The following FBXL19 variants were observed in gnomAD, a reference collection of about 807,000 sequenced individuals.
The protein encoded by FBXL19 is F-box/LRR-repeat protein 19.
In FBXL19, 16 loss-of-function variants were observed where a neutral mutation model predicts 71.2. The observed-to-expected ratio is 0.22, with a 90% CI of 0.15 to 0.34. The LOEUF is 0.34. Among genes scored for constraint, FBXL19 ranks in the 10% least tolerant of loss-of-function variants. The probability of loss-of-function intolerance (pLI) is 1.00; values close to 1 mark genes in which losing one functional copy is unlikely to be tolerated. For synonymous variants in FBXL19, 447 were observed against 409.4 expected (o/e 1.09, Z -1.11); for missense variants, 658 against 968.2 (o/e 0.68, Z 4.25).
At chr16:30,932,773 A>T (rs2055689340) in intron 7 of FBXL19, among the ~76,000 whole-genome samples, 1 of 151,546 alleles carries the variant, frequency 6.6e-6, no homozygotes. Flanking sequence ...CAGCAGGACC[A>T]CTCAGGAGGC....
rs768047347 is a variant in FBXL19 at position 30,946,908 on chromosome 16, G to A, written c.1806G>A (p.Thr602=). 1.7e-5 allele frequency: 27 copies of A among 1,610,558 alleles called. No homozygotes were observed. Among genetic ancestry groups the A allele is most frequent in the Admixed American group, 6.7e-5 (4 of 59,696 alleles). The change falls in exon 10 of 11, where the codon ACG becomes ACA. Residue 602 remains threonine (T), a synonymous_variant. Coordinates refer to ENST00000338343, the MANE Select transcript of FBXL19 (RefSeq NM_001382779.1). The surrounding 1 kb of genome is among the most constrained non-coding windows in gnomAD (Gnocchi z 6.7). ...DPSVHLLTAP[T]SPLRETLVHL... ...GTGTTCACCTCCTCACGGCCCCCAC[G>A]TCCCCACTCCGCGAGACCCTGGTGC...
In FBXL19 at chr16:30,942,034, C is replaced by T. The variant is rs575275743; in HGVS notation, c.1302-82C>T. 1.4e-6 allele frequency: 2 copies of T among 1,416,526 alleles called. No individual in the cohort carries two copies. The highest frequency in any genetic ancestry group is 1.5e-5 in the South Asian group (1 of 66,794). 87.7% of individuals were successfully genotyped at this position (1,416,526 alleles called of 1,614,324 possible). A position where few individuals can be genotyped will look rare whatever the true frequency, so the allele number is the denominator to read the frequency against. On this transcript the variant is annotated intron_variant, in intron 7 of 10. Transcript: ENST00000338343. The surrounding 1 kb of genome is among the most constrained non-coding windows in gnomAD (Gnocchi z 5.7). ...GTGGCCAGAAGAGAGCTGGGGTGCA[C>T]CCTTGGAGCTGGGGAGCCTGGGAAC...
chr16:30,928,336 TCA>T, intron 5 of FBXL19, 129 bp from the exon 6 acceptor site: 3 of 1,012,302 alleles, frequency 3.0e-6, no homozygotes, highest in Non-Finnish European at 4.2e-6. Context: ...GTGAGCATGC[TCA>T]GAGTTATCCC....
At position 30,946,109 on chromosome 16, in the gene FBXL19, C is replaced by T. The variant is rs2055856154; in HGVS notation, c.1628-621C>T. Among the ~76,000 whole-genome samples, 3 of 152,150 alleles carry T rather than the reference C, an allele frequency of 2.0e-5. No individual in the cohort carries two copies. The highest frequency in any genetic ancestry group is 3.8e-4 in the East Asian group (2 of 5,198). On this transcript the variant is annotated intron_variant, in intron 9 of 10. Transcript: ENST00000338343. The surrounding 1 kb of genome is among the most constrained non-coding windows in gnomAD (Gnocchi z 6.7). ...GTCTGCTCAGCTTCTGGGGAAGCCT[C>T]ACGTAGCTTTTACTCTTGATGGAAC...
In FBXL19 at chr16:30,924,084, G is replaced by A. The variant is rs1233575231; in HGVS notation, c.-400G>A. ...AGGGCCAGGGGCGCTGGGGAGAGGC[G>A]GGGCGGGGTGGGGGGAGGGGAGCTG... On this transcript the variant is annotated 5_prime_UTR_variant, in exon 1 of 11. Coordinates refer to ENST00000338343, the MANE Select transcript of FBXL19 (RefSeq NM_001382779.1). The A allele has an allele frequency of 6.6e-6, 1 of 151,280 alleles. No homozygotes were observed. Among genetic ancestry groups the A allele is most frequent in the Admixed American group, 6.6e-5 (1 of 15,236 alleles). The allele number at this position is 151,280 out of a possible 1,614,324, so 9.4% of individuals were successfully genotyped here.
intron 9 of FBXL19, among the ~76,000 whole-genome samples, chr16:30,945,359 G>T (rs569929528): frequency 6.6e-6 from 1 of 152,218 alleles, no homozygotes; most frequent in East Asian, 1.9e-4. Context: ...TGGAGAACTT[G>T]TTAAAAAAGT....
rs1291249625 is a variant in FBXL19, at chr16:30,923,804, G to C, written c.-680G>C. ...GAGGGTCGCGCGCTTGGGGGAGGGG[G>C]AGAGGTCGGGGGTGCGCGCGGGCTG... On this transcript the variant is annotated 5_prime_UTR_variant, in exon 1 of 11. Transcript: ENST00000338343. 2.1e-4 allele frequency among the ~76,000 whole-genome samples: 31 copies of C among 150,808 alleles called. No homozygotes were observed. The highest frequency in any genetic ancestry group is 1.5e-5 in the Non-Finnish European group (1 of 67,470).
Position 30,946,735 on chromosome 16 carries a change from A to G in FBXL19, c.1633A>G (p.Thr545Ala). The change falls in exon 10 of 11, where the codon ACA becomes GCA. Residue 545 changes from threonine (T) to alanine (A), a missense_variant. Thr to Ala is a moderately conservative substitution (Grantham distance 58). Around this residue, in one of 8 missense-constraint regions of FBXL19, gnomAD observed 25 missense variants for 25.0 expected, o/e 1.00. Coordinates refer to ENST00000338343, the MANE Select transcript of FBXL19 (RefSeq NM_001382779.1). This position sits in a 1 kb window ranked among gnomAD's most constrained non-coding sequence, Gnocchi z 6.7. Reference sequence around the variant, plus strand: ...CCTCTCATCTGGCTGCCCAGGGCAAACAGAGAGCCGTGGTCGGCTGCAGGG... The same window carrying G: ...CCTCTCATCTGGCTGCCCAGGGCAAGCAGAGAGCCGTGGTCGGCTGCAGGG... ...LPPPDTKPGQ[T>A]ESRGRLQGVA... 2 of 1,612,404 alleles carry G rather than the reference A, an allele frequency of 1.2e-6. No individual in the cohort carries two copies. The highest frequency in any genetic ancestry group is 1.7e-6 in the Non-Finnish European group (2 of 1,179,546).
intron 7 of FBXL19, among the ~76,000 whole-genome samples, chr16:30,937,784 G>C (rs2055755490): frequency 6.6e-6 from 1 of 152,128 alleles, no homozygotes; most frequent in South Asian, 2.1e-4. Flanking sequence ...TGTGGAGTAT[G>C]ATACAGAAAC....
chr16:30,928,462 G>T lies in FBXL19; in HGVS notation c.628-5G>T. ...TTCCTCCATATCTCCCTCTCACCCT[G>T]GTAGGTGAAAGGAGGCCGAGAGAGG... On this transcript the variant is annotated splice_region_variant and splice_polypyrimidine_tract_variant and intron_variant, in intron 5 of 10. Transcript: ENST00000338343. The T allele has an allele frequency of 6.4e-7, 1 of 1,568,746 alleles. No homozygotes were observed. The highest frequency in any genetic ancestry group is 1.2e-5 in the South Asian group (1 of 86,034).
chr16:30,945,523 C>T (rs768051516), intron 9 of FBXL19, among the ~76,000 whole-genome samples: 3 of 151,732 alleles, frequency 2.0e-5, no homozygotes, highest in South Asian at 2.1e-4. Context: ...ATTAGCCAGG[C>T]GTGGTGGCAA....
At chr16:30,936,888 G>A (rs865921918) in intron 7 of FBXL19, among the ~76,000 whole-genome samples, 2 of 151,428 alleles carry the variant, frequency 1.3e-5, no homozygotes, top group East Asian at 1.9e-4. Context: ...GACTGCAGGC[G>A]CGTGCCACCA....
intron 6 of FBXL19, among the ~76,000 whole-genome samples, chr16:30,929,338 G>C (rs1019609388): frequency 1.2e-4 from 19 of 152,162 alleles, no homozygotes; most frequent in African/African-American, 4.6e-4. Flanking sequence ...TGAGTCAGCC[G>C]ATGCGGGGTG....
Position 30,946,169 on chromosome 16 carries a change from AAG to A in FBXL19, c.1628-554_1628-553del, listed in dbSNP as rs2055856641. Among the ~76,000 whole-genome samples, 1 of 152,112 alleles carries A rather than the reference AAG, an allele frequency of 6.6e-6. No homozygotes were observed. The highest frequency in any genetic ancestry group is 2.4e-5 in the African/African-American group (1 of 41,422). On this transcript the variant is annotated intron_variant, in intron 9 of 10. Coordinates refer to ENST00000338343, the MANE Select transcript of FBXL19 (RefSeq NM_001382779.1). The surrounding 1 kb of genome is among the most constrained non-coding windows in gnomAD (Gnocchi z 6.7). ...TCGGCATGTCACATGGCAAGACAGCAAGAGAGAGGAGGGGAGGTCACAGACTC... is the reference window on the plus strand; with the variant it reads ...TCGGCATGTCACATGGCAAGACAGCAAGAGAGGAGGGGAGGTCACAGACTC...
chr16:30,947,604 G>A lies in FBXL19; in HGVS notation c.*374G>A, dbSNP rs1429175251. The A allele has an allele frequency of 3.3e-6, 1 of 299,582 alleles. No individual in the cohort carries two copies. Among genetic ancestry groups the A allele is most frequent in the African/African-American group, 2.4e-5 (1 of 40,924 alleles). 18.6% of individuals were successfully genotyped at this position (299,582 alleles called of 1,614,324 possible). A position where few individuals can be genotyped will look rare whatever the true frequency, so the allele number is the denominator to read the frequency against. ...ATGGGAGCCAGGGGCTGGGGGAGGTGGAAGGGGCGGGGGGCGGGGCAGACA... is the reference window on the plus strand; with the variant it reads ...ATGGGAGCCAGGGGCTGGGGGAGGTAGAAGGGGCGGGGGGCGGGGCAGACA... On this transcript the variant is annotated 3_prime_UTR_variant, in exon 11 of 11. Coordinates refer to ENST00000338343, the MANE Select transcript of FBXL19 (RefSeq NM_001382779.1).
At position 30,925,113 on chromosome 16, in the gene FBXL19, G is replaced by A. The variant is rs138453524; in HGVS notation, c.-24-618G>A. 0.014 allele frequency among the ~76,000 whole-genome samples: 2,075 copies of A among 152,278 alleles called. 28 individuals are homozygous for A. Among genetic ancestry groups the A allele is most frequent in the Non-Finnish European group, 0.021 (1,408 of 68,012 alleles). On this transcript the variant is annotated intron_variant, in intron 1 of 10. Coordinates refer to ENST00000338343, the MANE Select transcript of FBXL19 (RefSeq NM_001382779.1). The surrounding 1 kb of genome is among the most constrained non-coding windows in gnomAD (Gnocchi z 5.0). ...TCCAGGGCTGTCAGAGCTCTGGGGA[G>A]TTAGTGGGCAGAGGAGATCGTTAGG...
At chr16:30,932,406 A>G (rs2055685380) in intron 7 of FBXL19, among the ~76,000 whole-genome samples, 1 of 152,204 alleles carries the variant, frequency 6.6e-6, no homozygotes, top group Non-Finnish European at 1.5e-5. Flanking sequence ...CTTCAAGGCC[A>G]GCTCTGTGCC....
intron 7 of FBXL19, among the ~76,000 whole-genome samples, chr16:30,937,884 C>T (rs1178412703): frequency 6.6e-6 from 1 of 152,024 alleles, no homozygotes; most frequent in African/African-American, 2.4e-5. Flanking sequence ...GAAGTGGTGA[C>T]AGTTAAGCTG....
chr16:30,940,736 G>T (rs1443682958), intron 7 of FBXL19, among the ~76,000 whole-genome samples: 1 of 152,048 alleles, frequency 6.6e-6, no homozygotes, highest in South Asian at 2.1e-4. Flanking sequence ...GTGCGATCTC[G>T]GCTCGCTGCA....
Sources: gnomAD v4.1 joint callset for allele counts (sites outside exome capture counted in the v4.1 genomes callset) on GRCh38, gnomAD v4.1.1 for gene constraint, gnomAD v4.1.1 regional missense constraint, Gnocchi (gnomAD v3.1) non-coding constraint, MANE v1.5 for transcripts, NCBI Gene and HGNC (gene_info 2026-07-23, HGNC 2026-07-21) for gene names.